NIPBL: variants seen among roughly 807,000 people sequenced by gnomAD.
The protein encoded by NIPBL is NIPBL cohesin loading factor, also known as nipped-B-like protein.
A neutral mutation model predicts 321.8 loss-of-function variants in NIPBL; 19 were observed. That is an observed-to-expected ratio of 0.06 (90% confidence interval 0.04 to 0.09). The LOEUF (loss-of-function observed/expected upper bound fraction) is 0.09, where lower values mean the gene tolerates loss of function less well. Ranked by LOEUF, NIPBL falls within the 10% of genes least tolerant of loss-of-function variation. The probability of loss-of-function intolerance (pLI) is 1.00; values close to 1 mark genes in which losing one functional copy is unlikely to be tolerated. For missense variants in NIPBL, 2,210 were observed against 3,327.0 expected, an observed-to-expected ratio of 0.66 and a Z score of 8.26; for synonymous variants, 1,106 against 1,114.1, an observed-to-expected ratio of 0.99 and a Z score of 0.14.
chr5:36,876,826 C>A lies in NIPBL; in HGVS notation c.-432C>A, dbSNP rs1580119778. The stretch of plus-strand genomic sequence containing the variant: ...GAGAGACACACACAGGGCTCCTTCC[C>A]CCCGCCCTCCCCCCCCTCCCTCCGT... On this transcript the variant is annotated 5_prime_UTR_variant, in exon 1 of 47. Coordinates refer to ENST00000282516, the MANE Select transcript of NIPBL (RefSeq NM_133433.4). The A allele has an allele frequency of 5.6e-5, 16 of 283,742 alleles. No individual in the cohort carries two copies. The South Asian group carries it at 2.7e-3, about 47-fold the overall frequency. 17.6% of individuals were successfully genotyped at this position (283,742 alleles called of 1,614,324 possible).
At position 37,064,832 on chromosome 5, in the gene NIPBL, T is replaced by G; in HGVS notation, c.8355T>G (p.Thr2785=). 5.0e-6 allele frequency: 8 copies of G among 1,614,192 alleles called. No homozygotes were observed. Among genetic ancestry groups the G allele is most frequent in the Non-Finnish European group, 6.8e-6 (8 of 1,180,028 alleles). The change falls in exon 47 of 47, where the codon ACT becomes ACG. Residue 2785 remains threonine, a synonymous_variant. Transcript: ENST00000282516. ...CTCTAACGAGTGCTAATAAGCTGACTAATAAAGTTGTTCAGACTTTACGAT... is the reference window on the plus strand; with the variant it reads ...CTCTAACGAGTGCTAATAAGCTGACGAATAAAGTTGTTCAGACTTTACGAT... The part of the protein sequence containing the change: ...KIALTSANKL[T]NKVVQTLRSL...
chr5:37,049,137 T>C lies in NIPBL; in HGVS notation c.6790T>C (p.Leu2264=), dbSNP rs1376352571. ...DWKKVAKQED[L]KEMGDVSSGM... ...GAAGAAAGTTGCAAAACAGGAAGACTTAAAAGAAATGGGTGATGTTTCCTC... is the reference window on the plus strand; with the variant it reads ...GAAGAAAGTTGCAAAACAGGAAGACCTAAAAGAAATGGGTGATGTTTCCTC... Residue 2264 remains leucine, a synonymous_variant, in exon 40 of 47, where the codon TTA becomes CTA. Coordinates refer to ENST00000282516, the MANE Select transcript of NIPBL (RefSeq NM_133433.4). 2 of 1,614,160 alleles carry C rather than the reference T, an allele frequency of 1.2e-6. No individual in the cohort carries two copies. Among genetic ancestry groups the C allele is most frequent in the Non-Finnish European group, 1.7e-6 (2 of 1,180,004 alleles).
chr5:36,927,290 A>G (rs1244221985), intron 1 of NIPBL, among the ~76,000 whole-genome samples: 1 of 152,218 alleles, frequency 6.6e-6, no homozygotes, highest in African/African-American at 2.4e-5. Context: ...TGAGAGGAGA[A>G]AAGAATATCA....
At chr5:37,058,353 C>T (rs190425110) in intron 43 of NIPBL, among the ~76,000 whole-genome samples, 1 of 152,000 alleles carries the variant, frequency 6.6e-6, no homozygotes, top group Admixed American at 6.6e-5. Flanking sequence ...TAATGTGCCC[C>T]ACACACACAC....
chr5:36,890,275 G>A (rs1283487162), intron 1 of NIPBL, among the ~76,000 whole-genome samples: 8 of 152,036 alleles, frequency 5.3e-5, no homozygotes, highest in African/African-American at 1.4e-4. Context: ...GGCTTTATTC[G>A]CTTAGAGTAG....
intron 34 of NIPBL, among the ~76,000 whole-genome samples, chr5:37,043,764 A>C (rs540782541): frequency 6.6e-6 from 1 of 152,290 alleles, no homozygotes; most frequent in East Asian, 1.9e-4. Flanking sequence ...AGAAAATTTT[A>C]ACACAGGGTT....
intron 10 of NIPBL, among the ~76,000 whole-genome samples, chr5:36,989,823 A>AGC (rs1745275257): frequency 7.3e-6 from 1 of 137,686 alleles, no homozygotes; most frequent in Admixed American, 8.1e-5. Flanking sequence ...TGGGTGACAG[A>AGC]GCGAGACTCT....
At chr5:37,060,207 G>A (rs1311749484) in intron 44 of NIPBL, among the ~76,000 whole-genome samples, 3 of 152,158 alleles carry the variant, frequency 2.0e-5, no homozygotes, top group African/African-American at 4.8e-5. Flanking sequence ...ACAGGGTCTC[G>A]CTCTGATGCC....
chr5:36,965,824 T>A (rs1742142025), intron 6 of NIPBL, among the ~76,000 whole-genome samples: 1 of 152,124 alleles, frequency 6.6e-6, no homozygotes, highest in Non-Finnish European at 1.5e-5. Context: ...ATAATTTTAT[T>A]TGAAAAAGAA....
At chr5:36,924,040 GTTA>G (rs1368806790) in intron 1 of NIPBL, among the ~76,000 whole-genome samples, 2 of 152,070 alleles carry the variant, frequency 1.3e-5, no homozygotes, top group Non-Finnish European at 2.9e-5. Context: ...ACTAAGATCT[GTTA>G]TTATTATCTT....
At chr5:36,989,578 A>G (rs919269893) in intron 10 of NIPBL, among the ~76,000 whole-genome samples, 1 of 152,134 alleles carries the variant, frequency 6.6e-6, no homozygotes, top group African/African-American at 2.4e-5. Flanking sequence ...TAAGATTGGC[A>G]TAATCTCCCA....
At chr5:37,059,909 A>G (rs1017272792) in intron 44 of NIPBL, among the ~76,000 whole-genome samples, 2 of 152,218 alleles carry the variant, frequency 1.3e-5, no homozygotes, top group Non-Finnish European at 2.9e-5. Context: ...ACCCACCAGT[A>G]GTCATTAAAG....
intron 10 of NIPBL, among the ~76,000 whole-genome samples, chr5:36,986,736 A>G (rs1222930656): frequency 1.3e-5 from 2 of 152,200 alleles, no homozygotes; most frequent in Non-Finnish European, 1.5e-5. Context: ...AGAAAGTTAT[A>G]TAAAAGGTTA....
At chr5:37,043,484 G>A (rs903853606) in intron 34 of NIPBL, among the ~76,000 whole-genome samples, 4 of 151,546 alleles carry the variant, frequency 2.6e-5, no homozygotes, top group African/African-American at 9.7e-5. Flanking sequence ...CCAAGATCAT[G>A]CCACTGCACT....
intron 20 of NIPBL, 69 bp from the exon 21 acceptor site, chr5:37,010,018 T>A: frequency 1.6e-6 from 2 of 1,239,056 alleles, no homozygotes; most frequent in South Asian, 2.4e-5. Context: ...CGTGAAACTT[T>A]CAGACAATAG....
chr5:37,035,506 T>G (rs2149716777), intron 32 of NIPBL, among the ~76,000 whole-genome samples: 1 of 152,362 alleles, frequency 6.6e-6, no homozygotes, highest in South Asian at 2.1e-4. Flanking sequence ...TGCCCAAGCT[T>G]GTGCCCAACT....
At chr5:36,893,527 G>GT (rs1284763537) in intron 1 of NIPBL, among the ~76,000 whole-genome samples, 1 of 151,472 alleles carries the variant, frequency 6.6e-6, no homozygotes, top group Non-Finnish European at 1.5e-5. Flanking sequence ...TTTTGGAGAT[G>GT]TAAGTTTTTA....
At chr5:36,911,225 G>A (rs1288795105) in intron 1 of NIPBL, among the ~76,000 whole-genome samples, 2 of 152,170 alleles carry the variant, frequency 1.3e-5, no homozygotes, top group African/African-American at 4.8e-5. Flanking sequence ...CACATTCTGA[G>A]ATGGCATCCC....
chr5:36,918,491 C>A (rs1202320560), intron 1 of NIPBL, among the ~76,000 whole-genome samples: 3 of 152,120 alleles, frequency 2.0e-5, no homozygotes, highest in Non-Finnish European at 4.4e-5. Flanking sequence ...TTGACTTCCT[C>A]TTTTCCTAAT....
Sources: allele counts gnomAD v4.1 joint callset (sites outside exome capture counted in the v4.1 genomes callset), GRCh38; gene constraint gnomAD v4.1.1; transcripts MANE v1.5; gene names NCBI Gene and HGNC (gene_info 2026-07-23, HGNC 2026-07-21).